The following PDE6G variants were observed in gnomAD, a reference collection of about 807,000 sequenced individuals.
The protein encoded by PDE6G is phosphodiesterase 6G, also known as rod cGMP 3',5'-cyclic phosphodiesterase subunit gamma.
In PDE6G, 10 loss-of-function variants were observed where a neutral mutation model predicts 10.9. The ratio of observed to expected loss-of-function variants is 0.91; its 90% CI spans 0.56 to 1.55. The LOEUF (loss-of-function observed/expected upper bound fraction) is 1.55, where lower values mean the gene tolerates loss of function less well. Ranked by LOEUF, PDE6G falls within the 40% of genes most tolerant of loss-of-function variation. The pLI is 0.00. For missense variants in PDE6G, 102 were observed against 110.1 expected (o/e 0.93, Z 0.33); for synonymous variants, 41 against 42.8 (o/e 0.96, Z 0.16).
intron 1 of PDE6G, among the ~76,000 whole-genome samples, chr17:81,655,761 C>G (rs1304499405): frequency 1.3e-5 from 2 of 152,244 alleles, no homozygotes; most frequent in African/African-American, 4.8e-5. Context: ...CTTTCCTGCC[C>G]CTGGTCTTTT....
At chr17:81,660,391 G>A (rs940898609), upstream of PDE6G, among the ~76,000 whole-genome samples, 6 of 152,174 alleles carry the variant, frequency 3.9e-5, no homozygotes, top group South Asian at 2.1e-4. Flanking sequence ...TAGCCTGGGC[G>A]ACAGAGACTC....
At position 81,653,062 on chromosome 17, in the gene PDE6G, A is replaced by G. The variant is rs1434296153; in HGVS notation, c.146+98T>C. 7 of 1,357,426 alleles carry G rather than the reference A, an allele frequency of 5.2e-6. No homozygotes were observed. Among genetic ancestry groups the G allele is most frequent in the African/African-American group, 1.4e-5 (1 of 69,086 alleles). 84.1% of individuals were successfully genotyped at this position (1,357,426 alleles called of 1,614,324 possible). A position where few individuals can be genotyped will look rare whatever the true frequency, so the allele number is the denominator to read the frequency against. On this transcript the variant is annotated intron_variant, in intron 2 of 3. Coordinates refer to ENST00000331056, the MANE Select transcript of PDE6G (RefSeq NM_002602.4). This position sits in a 1 kb window ranked among gnomAD's most constrained non-coding sequence, Gnocchi z 5.2. Reference sequence around the variant, plus strand: ...GCTGTGAGGCTGGGACCACTCACCCAGTGAAGTGGCCCCAGGCTCTGCCCC... The same window carrying G: ...GCTGTGAGGCTGGGACCACTCACCCGGTGAAGTGGCCCCAGGCTCTGCCCC...
Position 81,653,546 on chromosome 17 carries a change from C to T in PDE6G, c.-59-182G>A, listed in dbSNP as rs567783491. 6.7e-4 allele frequency: 379 copies of T among 568,254 alleles called. 2 individuals are homozygous for T. The highest frequency in any genetic ancestry group is 5.6e-3 in the African/African-American group (298 of 53,242). The allele number at this position is 568,254 out of a possible 1,614,324, so 35.2% of individuals were successfully genotyped here. A position where few individuals can be genotyped will look rare whatever the true frequency, so the allele number is the denominator to read the frequency against. On this transcript the variant is annotated intron_variant, in intron 1 of 3. Coordinates refer to ENST00000331056, the MANE Select transcript of PDE6G (RefSeq NM_002602.4). This position sits in a 1 kb window ranked among gnomAD's most constrained non-coding sequence, Gnocchi z 5.2. ...CCAGCTTTGCTTGGGTCCACCCGCACGCTCCCATTCCCCTTGCCTAGTGGA... is the reference window on the plus strand; with the variant it reads ...CCAGCTTTGCTTGGGTCCACCCGCATGCTCCCATTCCCCTTGCCTAGTGGA...
At chr17:81,661,775 G>A (rs1237610975) in intron 1 of PDE6G, among the ~76,000 whole-genome samples, 3 of 149,168 alleles carry the variant, frequency 2.0e-5, no homozygotes, top group Admixed American at 1.4e-4. Flanking sequence ...CAGGAGAATC[G>A]CTTGAACCTG....
At chr17:81,658,328 C>A (rs2036475154), upstream of PDE6G, among the ~76,000 whole-genome samples, 1 of 151,544 alleles carries the variant, frequency 6.6e-6, no homozygotes, top group African/African-American at 2.4e-5. Context: ...TCGTGATCTG[C>A]CCACTTTGGC....
chr17:81,656,986 C>A (rs566599470), upstream of PDE6G: 157 of 270,026 alleles, frequency 5.8e-4, no homozygotes, highest in Non-Finnish European at 8.8e-4. Context: ...AGGACCCCCC[C>A]CCGCCCTTAG....
At chr17:81,658,579 G>A (rs190808070), upstream of PDE6G, among the ~76,000 whole-genome samples, 11 of 151,752 alleles carry the variant, frequency 7.2e-5, no homozygotes, top group East Asian at 1.2e-3. Flanking sequence ...GGTGGCTCAC[G>A]CCTGTAATCT....
intron 1 of PDE6G, among the ~76,000 whole-genome samples, chr17:81,661,598 C>T (rs12937937): frequency 0.088 from 13,313 of 151,884 alleles, 838 homozygotes; most frequent in East Asian, 0.22. Flanking sequence ...CAGTGGCTCA[C>T]GCCTGTAATC....
intron 1 of PDE6G, among the ~76,000 whole-genome samples, chr17:81,655,636 C>T (rs187453257): frequency 8.5e-5 from 13 of 152,362 alleles, no homozygotes; most frequent in Admixed American, 7.2e-4. Flanking sequence ...AATCTCCCAT[C>T]GAGCTGCTGT....
chr17:81,662,876 G>A (rs1184669157), intron 1 of PDE6G, among the ~76,000 whole-genome samples: 1 of 152,202 alleles, frequency 6.6e-6, no homozygotes, highest in Non-Finnish European at 1.5e-5. Flanking sequence ...GCACGCGCCT[G>A]TAGTCCCAGC....
At chr17:81,661,082 T>A (rs530669500), upstream of PDE6G, among the ~76,000 whole-genome samples, 3 of 152,302 alleles carry the variant, frequency 2.0e-5, no homozygotes, top group Admixed American at 2.0e-4. Context: ...CATGCCCAGC[T>A]AAGTTTTTAA....
In PDE6G at chr17:81,651,705, A is replaced by G. The variant is rs1480475527; in HGVS notation, c.147-20T>C. The G allele has an allele frequency of 1.1e-5, 18 of 1,613,598 alleles. No homozygotes were observed. Among genetic ancestry groups the G allele is most frequent in the African/African-American group, 2.7e-5 (2 of 74,906 alleles). The stretch of plus-strand genomic sequence containing the variant: ...CCAAACCTGCAAGGACAGAGCACTC[A>G]GGGACATGGCCGGGCCCAGTCCTGG... On this transcript the variant is annotated intron_variant, in intron 2 of 3. Coordinates refer to ENST00000331056, the MANE Select transcript of PDE6G (RefSeq NM_002602.4). The surrounding 1 kb of genome is among the most constrained non-coding windows in gnomAD (Gnocchi z 4.8).
At chr17:81,662,942 G>A (rs2036527375) in intron 1 of PDE6G, 1 of 152,256 alleles carries the variant, frequency 6.6e-6, no homozygotes, top group Non-Finnish European at 1.5e-5. Context: ...GGAGGCTACA[G>A]AACTAAGCAG....
At chr17:81,656,737 AG>A (rs1328750883), upstream of PDE6G, 1 of 665,068 alleles carries the variant, frequency 1.5e-6, no homozygotes, top group African/African-American at 1.8e-5. Flanking sequence ...GGACAGGGAG[AG>A]AAGTGTGACC....
At chr17:81,657,665 G>T (rs1011675914), upstream of PDE6G, among the ~76,000 whole-genome samples, 11 of 152,070 alleles carry the variant, frequency 7.2e-5, no homozygotes, top group Non-Finnish European at 1.5e-5. Flanking sequence ...TGGATCACAA[G>T]GTCAGGAGAT....
At chr17:81,657,885 GAATAA>G (rs2036468910), upstream of PDE6G, among the ~76,000 whole-genome samples, 2 of 122,616 alleles carry the variant, frequency 1.6e-5, no homozygotes, top group Non-Finnish European at 1.6e-5. Flanking sequence ...TGTTTCAAAT[GAATAA>G]ATAAATAAAT....
Position 81,653,656 on chromosome 17 carries a change from A to C in PDE6G, c.-59-292T>G, listed in dbSNP as rs1598719418. 1 of 350,536 alleles carries C rather than the reference A, an allele frequency of 2.9e-6. No individual in the cohort carries two copies. The highest frequency in any genetic ancestry group is 2.8e-5 in the South Asian group (1 of 35,306). 21.7% of individuals were successfully genotyped at this position (350,536 alleles called of 1,614,324 possible). Reference sequence around the variant, plus strand: ...CGCCCCGGCCCACAATCCACAGCAAACCTAGCCTCCCAACCTGTGGCAGGT... The same window carrying C: ...CGCCCCGGCCCACAATCCACAGCAACCCTAGCCTCCCAACCTGTGGCAGGT... On this transcript the variant is annotated intron_variant, in intron 1 of 3. Coordinates refer to ENST00000331056, the MANE Select transcript of PDE6G (RefSeq NM_002602.4). The surrounding 1 kb of genome is among the most constrained non-coding windows in gnomAD (Gnocchi z 5.2).
Position 81,651,433 on chromosome 17 carries a change from G to A in PDE6G, c.187+212C>T, listed in dbSNP as rs2036352779. On this transcript the variant is annotated intron_variant, in intron 3 of 3. Coordinates refer to ENST00000331056, the MANE Select transcript of PDE6G (RefSeq NM_002602.4). This position sits in a 1 kb window ranked among gnomAD's most constrained non-coding sequence, Gnocchi z 4.8. ...TTTCCCAAACCCCTCCCCTCACCTGGTGCAAGTGTCCCAAATGGGGACAGC... is the reference window on the plus strand; with the variant it reads ...TTTCCCAAACCCCTCCCCTCACCTGATGCAAGTGTCCCAAATGGGGACAGC... Among the ~76,000 whole-genome samples, 1 of 152,042 alleles carries A rather than the reference G, an allele frequency of 6.6e-6. No homozygotes were observed. The highest frequency in any genetic ancestry group is 1.9e-4 in the East Asian group (1 of 5,194).
At chr17:81,661,164 C>T (rs1416260627), upstream of PDE6G, among the ~76,000 whole-genome samples, 1 of 152,052 alleles carries the variant, frequency 6.6e-6, no homozygotes, top group Non-Finnish European at 1.5e-5. Flanking sequence ...AGGCAGGAGC[C>T]CAGGAGTTTA....
Sources: allele counts gnomAD v4.1 joint callset (sites outside exome capture counted in the v4.1 genomes callset), GRCh38; gene constraint gnomAD v4.1.1; non-coding constraint Gnocchi (gnomAD v3.1); transcripts MANE v1.5; gene names NCBI Gene and HGNC (gene_info 2026-07-23, HGNC 2026-07-21).